Variants in PCSK2 observed in about 807,000 individuals in gnomAD.
The protein encoded by PCSK2 is neuroendocrine convertase 2.
Under a neutral mutation model 69.7 loss-of-function variants are expected in PCSK2, and 14 were observed. The observed-to-expected ratio is 0.20, with a 90% CI of 0.13 to 0.31. The LOEUF (loss-of-function observed/expected upper bound fraction) is 0.31, where lower values mean the gene tolerates loss of function less well. PCSK2 is among the 10% of genes least tolerant of loss of function. PCSK2 has a pLI of 1.00. For synonymous variants in PCSK2, 307 were observed against 320.7 expected, an observed-to-expected ratio of 0.96 and a Z score of 0.46; for missense variants, 544 against 842.5, an observed-to-expected ratio of 0.65 and a Z score of 4.39.
At chr20:17,335,427 T>TTGTGTGTGTGTGTGTGTG (rs56275148) in intron 2 of PCSK2, among the ~76,000 whole-genome samples, 5,511 of 139,122 alleles carry the variant, frequency 0.04, 150 homozygotes, top group Non-Finnish European at 0.046. Flanking sequence ...CAGCATCACT[T>TTGTGTGTGTGTGTGTGTG]TGTGTGTGTG....
chr20:17,441,929 T>A (rs1263368604), intron 8 of PCSK2, among the ~76,000 whole-genome samples: 2 of 150,004 alleles, frequency 1.3e-5, no homozygotes, highest in African/African-American at 4.9e-5. Context: ...GGAAATAGGG[T>A]CATTGCAGAT....
intron 9 of PCSK2, among the ~76,000 whole-genome samples, chr20:17,454,160 G>A (rs140238617): frequency 3.0e-4 from 45 of 152,302 alleles, no homozygotes; most frequent in African/African-American, 9.6e-4. Context: ...CTAGTAGCAT[G>A]ATCGGTGAGG....
At chr20:17,237,166 A>G (rs1283409040) in intron 1 of PCSK2, among the ~76,000 whole-genome samples, 1 of 152,224 alleles carries the variant, frequency 6.6e-6, no homozygotes, top group Non-Finnish European at 1.5e-5. Flanking sequence ...TGGAAATAAC[A>G]GTGAGAGAGA....
chr20:17,242,530 C>G (rs1448750893), intron 1 of PCSK2, among the ~76,000 whole-genome samples: 1 of 152,222 alleles, frequency 6.6e-6, no homozygotes, highest in Non-Finnish European at 1.5e-5. Flanking sequence ...TTCATACAAT[C>G]TGAGGTCTCT....
intron 2 of PCSK2, among the ~76,000 whole-genome samples, chr20:17,308,841 C>T (rs1285320073): frequency 1.3e-5 from 2 of 152,104 alleles, no homozygotes; most frequent in African/African-American, 4.8e-5. Flanking sequence ...GAGGCTAGCC[C>T]GGCTTGGTGA....
At chr20:17,352,008 G>A (rs1018805867) in intron 2 of PCSK2, among the ~76,000 whole-genome samples, 2 of 152,136 alleles carry the variant, frequency 1.3e-5, no homozygotes, top group Non-Finnish European at 2.9e-5. Flanking sequence ...TAACATTTGG[G>A]TTACAAAATC....
intron 2 of PCSK2, among the ~76,000 whole-genome samples, chr20:17,288,353 GT>G (rs2123060738): frequency 6.6e-6 from 1 of 152,296 alleles, no homozygotes; most frequent in South Asian, 2.1e-4. Context: ...ACAGAGGAGG[GT>G]GGCTTCGATG....
chr20:17,361,100 A>G (rs2030375564), intron 4 of PCSK2, among the ~76,000 whole-genome samples: 3 of 152,222 alleles, frequency 2.0e-5, no homozygotes, highest in Admixed American at 6.5e-5. Flanking sequence ...ACTAGCCTCA[A>G]GTTCTTGATA....
intron 7 of PCSK2, among the ~76,000 whole-genome samples, chr20:17,435,113 G>T (rs1027763734): frequency 2.6e-5 from 4 of 152,172 alleles, no homozygotes; most frequent in Non-Finnish European, 5.9e-5. Flanking sequence ...CAAAAATGGT[G>T]ATTACACTTA....
intron 2 of PCSK2, among the ~76,000 whole-genome samples, chr20:17,280,344 C>CA (rs1988260610): frequency 6.6e-6 from 1 of 152,226 alleles, no homozygotes; most frequent in African/African-American, 2.4e-5. Context: ...ACATAAACAA[C>CA]ATTGCATGCT....
chr20:17,423,167 G>A (rs1478556292), intron 6 of PCSK2, among the ~76,000 whole-genome samples: 1 of 152,178 alleles, frequency 6.6e-6, no homozygotes, highest in Non-Finnish European at 1.5e-5. Flanking sequence ...CAAGGTGGTT[G>A]AGTCAGAGCT....
intron 1 of PCSK2, among the ~76,000 whole-genome samples, chr20:17,244,589 C>T (rs997308929): frequency 6.6e-6 from 1 of 152,162 alleles, no homozygotes; most frequent in African/African-American, 2.4e-5. Context: ...AGGAGTGGAG[C>T]TAGATTTTCG....
chr20:17,481,411 A>C (rs2023235), intron 11 of PCSK2, among the ~76,000 whole-genome samples, 173 bp from the exon 12 acceptor site: 1 of 108,416 alleles, frequency 9.2e-6, no homozygotes, highest in African/African-American at 4.6e-5. Flanking sequence ...AAAAAAAAAA[A>C]AAAGAGATAA....
chr20:17,471,351 A>G (rs2033198054), intron 11 of PCSK2, among the ~76,000 whole-genome samples: 1 of 152,190 alleles, frequency 6.6e-6, no homozygotes, highest in Non-Finnish European at 1.5e-5. Flanking sequence ...TGCAAGATCA[A>G]TGCAGTGTTT....
chr20:17,377,161 C>T (rs2195110), intron 5 of PCSK2, among the ~76,000 whole-genome samples: 26,613 of 152,174 alleles, frequency 0.17, 3,273 homozygotes, highest in East Asian at 0.5. Flanking sequence ...GTCTAGAATC[C>T]CTCAAGTTGC....
At chr20:17,424,358 A>C (rs1042893529) in intron 6 of PCSK2, among the ~76,000 whole-genome samples, 7 of 152,216 alleles carry the variant, frequency 4.6e-5, no homozygotes, top group African/African-American at 1.7e-4. Context: ...CCTGATTATA[A>C]GTTCATAAAA....
intron 2 of PCSK2, among the ~76,000 whole-genome samples, chr20:17,333,515 C>T (rs1990257184): frequency 6.6e-6 from 1 of 152,102 alleles, no homozygotes; most frequent in Admixed American, 6.5e-5. Flanking sequence ...AGGCATGGAG[C>T]AGCACAGGAA....
chr20:17,454,953 C>T (rs2032893285), intron 9 of PCSK2, among the ~76,000 whole-genome samples: 1 of 152,182 alleles, frequency 6.6e-6, no homozygotes, highest in Non-Finnish European at 1.5e-5. Flanking sequence ...CCCACGAGCC[C>T]TCCTGCATTC....
At chr20:17,363,570 C>A (rs193131261) in intron 4 of PCSK2, among the ~76,000 whole-genome samples, 25 of 152,208 alleles carry the variant, frequency 1.6e-4, no homozygotes, top group African/African-American at 5.8e-4. Context: ...CAGGGATGGA[C>A]AAGAGTCATC....
Sources: allele counts gnomAD v4.1 joint callset (sites outside exome capture counted in the v4.1 genomes callset), GRCh38; gene constraint gnomAD v4.1.1; transcripts MANE v1.5; gene names NCBI Gene and HGNC (gene_info 2026-07-23, HGNC 2026-07-21).